The following GLB1 variants were observed in gnomAD, a reference collection of about 807,000 sequenced individuals.
GLB1 encodes the protein galactosidase beta 1, also known as beta-galactosidase.
Under a neutral mutation model 74.0 loss-of-function variants are expected in GLB1, and 56 were observed. The ratio of observed to expected loss-of-function variants is 0.76; its 90% CI spans 0.61 to 0.94. The LOEUF (loss-of-function observed/expected upper bound fraction) is 0.94. GLB1 is among the 40% of genes least tolerant of loss of function. GLB1 has a pLI of 0.00. For missense variants in GLB1, 787 were observed against 845.5 expected (o/e 0.93, Z 0.86); for synonymous variants, 323 against 323.6 (o/e 1.00, Z 0.02).
the GLB1 span, among the ~76,000 whole-genome samples, chr3:32,962,516 G>A: frequency 6.6e-6 from 1 of 151,924 alleles, no homozygotes; most frequent in Non-Finnish European, 1.5e-5. Flanking sequence ...AAAGGGGAAG[G>A]GAAAATATTT....
intron 15 of GLB1, among the ~76,000 whole-genome samples, chr3:33,004,132 G>A (rs1696693687): frequency 6.6e-6 from 1 of 152,186 alleles, no homozygotes; most frequent in East Asian, 1.9e-4. Context: ...TGTGAATCCT[G>A]ACTTTGGCCT....
chr3:33,051,626 G>GAAAAGAAAAAGA, intron 9 of GLB1, 132 bp downstream of exon 9: 1 of 1,112,624 alleles, frequency 9.0e-7, no homozygotes, highest in Non-Finnish European at 1.2e-6. Flanking sequence ...AAAAGAAAAA[G>GAAAAGAAAAAGA]AAAAAAAAAG....
rs376500233 is a variant in GLB1 at position 33,097,046 on chromosome 3, C to G, written c.40G>C (p.Val14Leu). Reference sequence around the variant, plus strand: ...CGCGTAGGGCCCAGAAGCAGCAGAACCAGCAACAGAGGGAGGATGCGAACC... The same window carrying G: ...CGCGTAGGGCCCAGAAGCAGCAGAAGCAGCAACAGAGGGAGGATGCGAACC... ...FLVRILPLLL[V>L]LLLLGPTRGL... The change falls in exon 1 of 16, where the codon GTT (valine) becomes CTT (leucine). Residue 14 changes from valine to leucine, a missense_variant. Physicochemically the swap from Val to Leu is conservative, Grantham distance 32. Coordinates refer to ENST00000307363, the MANE Select transcript of GLB1 (RefSeq NM_000404.4). The G allele has an allele frequency of 2.4e-5, 38 of 1,612,110 alleles. No individual in the cohort carries two copies. The African/African-American group carries it at 3.6e-4, about 15-fold the overall frequency.
intron 10 of GLB1, among the ~76,000 whole-genome samples, chr3:33,043,800 A>AAGATACCTCAGAAAAATACCAAGCAAG (rs1698618566): frequency 6.7e-6 from 1 of 149,962 alleles, no homozygotes; most frequent in African/African-American, 2.4e-5. Flanking sequence ...TACCAAGCAA[A>AAGATACCTCAGAAAAATACCAAGCAAG]AGTATGCAGG....
chr3:33,059,212 TA>T (rs957692999), intron 5 of GLB1, among the ~76,000 whole-genome samples: 23 of 148,264 alleles, frequency 1.6e-4, no homozygotes, highest in Non-Finnish European at 2.7e-4. Flanking sequence ...GCTTTGGGGA[TA>T]AAAAAAATTA....
At position 33,068,970 on chromosome 3, in the gene GLB1, C is replaced by A; in HGVS notation, c.246G>T (p.Thr82=). 6.2e-7 allele frequency: 1 copy of A among 1,614,162 alleles called. No individual in the cohort carries two copies. Among genetic ancestry groups the A allele is most frequent in the Non-Finnish European group, 8.5e-7 (1 of 1,180,020 alleles). Residue 82 remains threonine (T), a splice_region_variant and synonymous_variant, in exon 3 of 16, where the codon ACG becomes ACT. Coordinates refer to ENST00000307363, the MANE Select transcript of GLB1 (RefSeq NM_000404.4). ...GCTCATGAAAGTTCCAGGGCACATA[C>A]CTGCCAAGACACACACAGCCCCTTC... ...MKMAGLNAIQ[T]YVPWNFHEPW... is the part of the protein sequence containing the mutation.
the GLB1 span, among the ~76,000 whole-genome samples, chr3:32,971,562 G>T: frequency 6.6e-6 from 1 of 152,190 alleles, no homozygotes; most frequent in African/African-American, 2.4e-5. Flanking sequence ...ACTTCACTTC[G>T]CCTAACCTTG....
Position 33,014,257 on chromosome 3 carries a change from G to C in GLB1, c.1533C>G (p.Ile511Met), listed in dbSNP as rs375113962. The C allele has an allele frequency of 5.0e-6, 8 of 1,614,064 alleles. No individual in the cohort carries two copies. In the African/African-American group the frequency reaches 9.3e-5, roughly 19 times the overall value. ...LSSNILTDWT[I>M]FPLDTEDAVC... ...CTGCATCCTCAGTGTCCAGTGGAAA[G>C]ATCGTCCAGTCCGTGAGGATATTGG... The change falls in exon 15 of 16, where the codon ATC becomes ATG. Residue 511 changes from isoleucine to methionine, a missense_variant. Physicochemically the swap from Ile to Met is conservative, Grantham distance 10. Coordinates refer to ENST00000307363, the MANE Select transcript of GLB1 (RefSeq NM_000404.4).
chr3:32,983,924 A>G, the GLB1 span, among the ~76,000 whole-genome samples: 1 of 151,974 alleles, frequency 6.6e-6, no homozygotes, highest in Non-Finnish European at 1.5e-5. Context: ...GGCTGAAGTA[A>G]TCCTCCCACC....
At chr3:33,069,924 G>A (rs1699830237) in intron 2 of GLB1, among the ~76,000 whole-genome samples, 1 of 152,038 alleles carries the variant, frequency 6.6e-6, no homozygotes, top group African/African-American at 2.4e-5. Context: ...CAGATAATCT[G>A]CCTAGTACAC....
rs1553609327 is a variant in GLB1 at position 33,042,389 on chromosome 3, T to TTTTTTTC, written c.1068+3730_1068+3731insGAAAAAA. Reference sequence around the variant, plus strand: ...CTCCTCCTTTTTTTTTTTTTTTTTTTCCAAGTCTCGCTCTGTCGCCCAGGC... The same window carrying TTTTTTTC: ...CTCCTCCTTTTTTTTTTTTTTTTTTTTTTTTTCCCAAGTCTCGCTCTGTCGCCCAGGC... On this transcript the variant is annotated intron_variant, in intron 10 of 15. Coordinates refer to ENST00000307363, the MANE Select transcript of GLB1 (RefSeq NM_000404.4). 2.9e-4 allele frequency among the ~76,000 whole-genome samples: 42 copies of TTTTTTTC among 146,634 alleles called. 1 individual carries two copies. The highest frequency in any genetic ancestry group is 5.1e-4 in the Non-Finnish European group (34 of 66,416).
rs200189311 is a variant in GLB1 at position 33,040,012 on chromosome 3, T to TA, written c.1068+6107dup. The stretch of plus-strand genomic sequence containing the variant: ...TTAAGACTGCATAAACTGATAGAAA[T>TA]AAAAAAATAGCCCTAGGAGTAGCTT... On this transcript the variant is annotated intron_variant, in intron 10 of 15. Transcript: ENST00000307363. 6.5e-3 allele frequency among the ~76,000 whole-genome samples: 990 copies of TA among 152,128 alleles called. 12 individuals are homozygous for TA. The highest frequency in any genetic ancestry group is 0.022 in the African/African-American group (930 of 41,510).
At chr3:32,971,916 G>T in the GLB1 span, among the ~76,000 whole-genome samples, 1 of 152,172 alleles carries the variant, frequency 6.6e-6, no homozygotes, top group South Asian at 2.1e-4. Flanking sequence ...GAGCATGTGT[G>T]TTAAAAACAA....
At chr3:33,025,522 G>A (rs910757288) in intron 10 of GLB1, among the ~76,000 whole-genome samples, 1 of 150,034 alleles carries the variant, frequency 6.7e-6, no homozygotes, top group Non-Finnish European at 1.5e-5. Flanking sequence ...TTTTTTTTTT[G>A]GTTTCCCTTT....
chr3:32,979,569 T>G, the GLB1 span, among the ~76,000 whole-genome samples: 3 of 152,026 alleles, frequency 2.0e-5, no homozygotes, highest in East Asian at 5.8e-4. Flanking sequence ...AAAGGCACAC[T>G]TGGCCGGGAG....
At chr3:33,084,506 T>C (rs1209223106) in intron 1 of GLB1, among the ~76,000 whole-genome samples, 1 of 151,724 alleles carries the variant, frequency 6.6e-6, no homozygotes, top group Non-Finnish European at 1.5e-5. Flanking sequence ...ATGCATTCGA[T>C]TTTTATTAAC....
chr3:33,018,542 T>C lies in GLB1; in HGVS notation c.1253A>G (p.Tyr418Cys), dbSNP rs1325406157. 1 of 1,614,104 alleles carries C rather than the reference T, an allele frequency of 6.2e-7. No homozygotes were observed. Residue 418 changes from tyrosine (Y) to cysteine (C), a missense_variant, in exon 13 of 16, where the codon TAC becomes TGC. By Grantham distance (194) the Tyr-to-Cys change is radical. Coordinates refer to ENST00000307363, the MANE Select transcript of GLB1 (RefSeq NM_000404.4). Reference protein sequence around the residue: ...QVKQHYGFVLYRTTLPQDCSN... With the variant: ...QVKQHYGFVLCRTTLPQDCSN... ...GCAATCTTGAGGAAGTGTTGTCCGG[T>C]ACAGCACAAACCCATAATGCTGGTT...
At chr3:33,043,771 G>GAAAGATACCTCAGAAAAATACCAATCA in intron 10 of GLB1, among the ~76,000 whole-genome samples, 1 of 82,304 alleles carries the variant, frequency 1.2e-5, no homozygotes, top group Admixed American at 1.2e-4. Context: ...ACAGCATTGG[G>GAAAGATACCTCAGAAAAATACCAATCA]AAAGATACCT....
At chr3:32,963,310 A>G in the GLB1 span, among the ~76,000 whole-genome samples, 1 of 152,224 alleles carries the variant, frequency 6.6e-6, no homozygotes, top group Non-Finnish European at 1.5e-5. Flanking sequence ...ATTTAAATGT[A>G]AAAATTGGAA....
Sources: gnomAD v4.1 joint callset for allele counts (sites outside exome capture counted in the v4.1 genomes callset) on GRCh38, gnomAD v4.1.1 for gene constraint, MANE v1.5 for transcripts, NCBI Gene and HGNC (gene_info 2026-07-23, HGNC 2026-07-21) for gene names.